The following PLXNA4 variants were observed in gnomAD, a reference collection of about 807,000 sequenced individuals.
The protein encoded by PLXNA4 is plexin-A4.
Under a neutral mutation model 191.8 loss-of-function variants are expected in PLXNA4, and 44 were observed. The ratio of observed to expected loss-of-function variants is 0.23; its 90% CI spans 0.18 to 0.29. The LOEUF (loss-of-function observed/expected upper bound fraction) is 0.29. PLXNA4 is among the 10% of genes least tolerant of loss of function. The pLI is 1.00. For synonymous variants in PLXNA4, 1,082 were observed against 1,009.5 expected (o/e 1.07, Z -1.36); for missense variants, 1,800 against 2,488.8 (o/e 0.72, Z 5.89).
intron 14 of PLXNA4, 145 bp from the exon 15 acceptor site, chr7:132,187,752 C>G: frequency 6.4e-6 from 9 of 1,411,494 alleles, no homozygotes; most frequent in Non-Finnish European, 8.4e-6. Flanking sequence ...GGGCAGTTCT[C>G]TTAGGCTTGC....
chr7:132,367,889 G>A (rs1445245539), intron 3 of PLXNA4: 1 of 152,256 alleles, frequency 6.6e-6, no homozygotes, highest in African/African-American at 2.4e-5. Context: ...TAAGAGAGCC[G>A]AGGACCAGGA....
At chr7:132,395,316 C>T (rs927437386) in intron 3 of PLXNA4, among the ~76,000 whole-genome samples, 4 of 152,042 alleles carry the variant, frequency 2.6e-5, no homozygotes, top group African/African-American at 9.7e-5. Context: ...TGGCTGGTGA[C>T]CATTCAGGCA....
intron 31 of PLXNA4, 136 bp from the exon 32 acceptor site, chr7:132,130,710 C>T (rs1563046951): frequency 1.6e-5 from 22 of 1,335,342 alleles, no homozygotes; most frequent in Middle Eastern, 4.6e-4. Flanking sequence ...CAGGACACTG[C>T]GGGGTAGGAG....
At chr7:132,330,872 A>C (rs1224399573) in intron 3 of PLXNA4, among the ~76,000 whole-genome samples, 2 of 151,292 alleles carry the variant, frequency 1.3e-5, no homozygotes, top group African/African-American at 4.9e-5. Context: ...TGCTGCTTAC[A>C]AACATAATAA....
intron 2 of PLXNA4, among the ~76,000 whole-genome samples, chr7:132,502,037 G>C (rs974258577): frequency 2.6e-5 from 4 of 152,208 alleles, no homozygotes; most frequent in African/African-American, 7.2e-5. Context: ...ACCCCATCAA[G>C]TCTGAGCCCT....
intron 22 of PLXNA4, among the ~76,000 whole-genome samples, chr7:132,165,650 G>A (rs1796100243): frequency 6.6e-6 from 1 of 151,976 alleles, no homozygotes; most frequent in African/African-American, 2.4e-5. Context: ...GTCACATGTG[G>A]CTCATAGCTA....
At chr7:132,261,370 T>C (rs980365109) in intron 4 of PLXNA4, among the ~76,000 whole-genome samples, 15 of 152,242 alleles carry the variant, frequency 9.9e-5, no homozygotes, top group Non-Finnish European at 2.1e-4. Flanking sequence ...GCTGTGCTTT[T>C]CCTGCAGGGA....
At chr7:132,218,870 G>A (rs1009864593) in intron 9 of PLXNA4, among the ~76,000 whole-genome samples, 66 of 152,160 alleles carry the variant, frequency 4.3e-4, no homozygotes, top group African/African-American at 1.5e-3. Context: ...TCTAATAATT[G>A]TAATTATGGT....
intron 1 of PLXNA4, among the ~76,000 whole-genome samples, chr7:132,532,172 T>C (rs1029015081): frequency 1.3e-5 from 2 of 152,224 alleles, no homozygotes; most frequent in African/African-American, 4.8e-5. Flanking sequence ...CAAACTGGCA[T>C]TAGAGTGATC....
chr7:132,288,614 G>A (rs980735763), intron 4 of PLXNA4, among the ~76,000 whole-genome samples: 11 of 152,282 alleles, frequency 7.2e-5, no homozygotes, highest in Non-Finnish European at 1.2e-4. Context: ...TGGGTGCCAG[G>A]AGCAAACATC....
intron 25 of PLXNA4, among the ~76,000 whole-genome samples, chr7:132,157,124 C>T (rs938361126): frequency 6.6e-6 from 1 of 152,208 alleles, no homozygotes; most frequent in Non-Finnish European, 1.5e-5. Flanking sequence ...AATGTGATGG[C>T]AGAGGGATCC....
chr7:132,304,035 C>T (rs1021912251), intron 3 of PLXNA4, among the ~76,000 whole-genome samples: 4 of 152,144 alleles, frequency 2.6e-5, no homozygotes, highest in African/African-American at 7.2e-5. Flanking sequence ...TAGCAGGTAA[C>T]GTCAGATTTA....
intron 3 of PLXNA4, among the ~76,000 whole-genome samples, chr7:132,301,279 T>C (rs1801294990): frequency 6.6e-6 from 1 of 152,202 alleles, no homozygotes. Context: ...GAATGTTTGA[T>C]GAGCAATACA....
intron 1 of PLXNA4, among the ~76,000 whole-genome samples, chr7:132,544,561 C>T (rs1353424845): frequency 1.3e-5 from 2 of 152,050 alleles, no homozygotes; most frequent in Non-Finnish European, 2.9e-5. Flanking sequence ...GGGGGGCACA[C>T]CCTGTCACTA....
chr7:132,218,139 G>A (rs1798027601), intron 9 of PLXNA4, among the ~76,000 whole-genome samples: 1 of 152,176 alleles, frequency 6.6e-6, no homozygotes, highest in Non-Finnish European at 1.5e-5. Context: ...CAGCCCATGA[G>A]CTAGGACTTT....
At chr7:132,198,207 T>G (rs532855914) in intron 13 of PLXNA4, among the ~76,000 whole-genome samples, 1 of 152,266 alleles carries the variant, frequency 6.6e-6, no homozygotes, top group African/African-American at 2.4e-5. Context: ...TTGTTTTGTC[T>G]CCCCTCCATG....
rs1245973785 is a variant in PLXNA4 at position 132,128,555 on chromosome 7, A to T, written c.*1924T>A. ...GGAAAGAGAAGGGGAACACTTCAAAAATCCTCCTACAAAGGACAAGAAATC... is the reference window on the plus strand; with the variant it reads ...GGAAAGAGAAGGGGAACACTTCAAATATCCTCCTACAAAGGACAAGAAATC... On this transcript the variant is annotated 3_prime_UTR_variant, in exon 32 of 32. Transcript: ENST00000321063. 6.6e-6 allele frequency: 1 copy of T among 152,188 alleles called. No homozygotes were observed. The highest frequency in any genetic ancestry group is 1.9e-4 in the East Asian group (1 of 5,186). The allele number at this position is 152,188 out of a possible 1,614,324, so 9.4% of individuals were successfully genotyped here.
At chr7:132,298,278 C>T in intron 3 of PLXNA4, 56 bp from the exon 4 acceptor site, 1 of 1,559,222 alleles carries the variant, frequency 6.4e-7, no homozygotes, top group Non-Finnish European at 8.7e-7. Flanking sequence ...TGCCCACAGC[C>T]AAACTTCAGC....
rs963415228 is a variant in PLXNA4 at position 132,284,311 on chromosome 7, GACTA to G, written c.1503+13776_1503+13779del. Among the ~76,000 whole-genome samples, 3 of 152,290 alleles carry G rather than the reference GACTA, an allele frequency of 2.0e-5. No homozygotes were observed. The East Asian group carries it at 5.8e-4, about 29-fold the overall frequency. ...AAGAAATAAAGTTTGGGAAATACTG[GACTA>G]ACTAACTGATGCTTAAATCTGTACC... On this transcript the variant is annotated intron_variant, in intron 4 of 31. Transcript: ENST00000321063.
Sources: allele counts gnomAD v4.1 joint callset (sites outside exome capture counted in the v4.1 genomes callset), GRCh38; gene constraint gnomAD v4.1.1; transcripts MANE v1.5; gene names NCBI Gene and HGNC (gene_info 2026-07-23, HGNC 2026-07-21).